Variants in LHPP observed in about 807,000 individuals in gnomAD.
The protein encoded by LHPP is hLHPP.
LHPP carries 24 observed loss-of-function variants against 30.3 expected under a neutral mutation model. That is an observed-to-expected ratio of 0.79 (90% CI 0.57 to 1.11). The LOEUF (loss-of-function observed/expected upper bound fraction) is 1.11. LHPP is among the 50% of genes most tolerant of loss of function. The pLI is 0.00. For synonymous variants in LHPP, 150 were observed against 157.1 expected (o/e 0.95, Z 0.34); for missense variants, 356 against 367.2 (o/e 0.97, Z 0.25).
rs1037227379 is a variant in LHPP, at chr10:124,496,588, T to A, written c.468-373T>A. Among the ~76,000 whole-genome samples the A allele has an allele frequency of 4.6e-5, 7 of 152,212 alleles. No homozygotes were observed. The highest frequency in any genetic ancestry group is 5.9e-5 in the Non-Finnish European group (4 of 68,034). ...TTCGCCACATACCCCGTGGACCTGCTGTTCCTTCCCAGGACACAGGTCACT... is the reference window on the plus strand; with the variant it reads ...TTCGCCACATACCCCGTGGACCTGCAGTTCCTTCCCAGGACACAGGTCACT... On this transcript the variant is annotated intron_variant, in intron 3 of 6. Transcript: ENST00000368842. This position sits in a 1 kb window ranked among gnomAD's most constrained non-coding sequence, Gnocchi z 4.3.
chr10:124,590,698 C>A lies in LHPP; in HGVS notation c.717-22566C>A, dbSNP rs2134001097. 6.6e-6 allele frequency among the ~76,000 whole-genome samples: 1 copy of A among 152,346 alleles called. No homozygotes were observed. The highest frequency in any genetic ancestry group is 6.5e-5 in the Admixed American group (1 of 15,304). Reference sequence around the variant, plus strand: ...TCAGCTGAGCCCTTGCCAGAGGAGACACGGTGGGCACCAGCCCCAGCGCTG... The same window carrying A: ...TCAGCTGAGCCCTTGCCAGAGGAGAAACGGTGGGCACCAGCCCCAGCGCTG... On this transcript the variant is annotated intron_variant, in intron 6 of 6. Transcript: ENST00000368842. This position sits in a 1 kb window ranked among gnomAD's most constrained non-coding sequence, Gnocchi z 4.3.
At chr10:124,566,961 A>T (rs1948501430) in intron 6 of LHPP, among the ~76,000 whole-genome samples, 1 of 152,148 alleles carries the variant, frequency 6.6e-6, no homozygotes, top group Admixed American at 6.5e-5. Flanking sequence ...GCTCCCATCC[A>T]GCTCTCCTCC....
In LHPP at chr10:124,496,666, A is replaced by G. The variant is rs529206480; in HGVS notation, c.468-295A>G. Among the ~76,000 whole-genome samples, 2 of 152,180 alleles carry G rather than the reference A, an allele frequency of 1.3e-5. No individual in the cohort carries two copies. The highest frequency in any genetic ancestry group is 2.9e-5 in the Non-Finnish European group (2 of 68,022). On this transcript the variant is annotated intron_variant, in intron 3 of 6. Coordinates refer to ENST00000368842, the MANE Select transcript of LHPP (RefSeq NM_022126.4). The surrounding 1 kb of genome is among the most constrained non-coding windows in gnomAD (Gnocchi z 4.3). ...CCGTCTGCCTTCTGGGTCCCCTGTT[A>G]ATCATTGCAGCAGGGTCCCCACGAG...
rs989043885 is a variant in LHPP, at chr10:124,496,762, C to T, written c.468-199C>T. Among the ~76,000 whole-genome samples, 7 of 152,260 alleles carry T rather than the reference C, an allele frequency of 4.6e-5. No individual in the cohort carries two copies. Among genetic ancestry groups the T allele is most frequent in the Non-Finnish European group, 7.3e-5 (5 of 68,046 alleles). On this transcript the variant is annotated intron_variant, in intron 3 of 6. Coordinates refer to ENST00000368842, the MANE Select transcript of LHPP (RefSeq NM_022126.4). The surrounding 1 kb of genome is among the most constrained non-coding windows in gnomAD (Gnocchi z 4.3). ...GCTGCTGGCTGCTGCGCTCGCCCCA[C>T]TGGGTGTGGCGGCCTGCCGCCCGGC...
At chr10:124,599,960 G>A (rs947039926) in intron 6 of LHPP, among the ~76,000 whole-genome samples, 5 of 152,360 alleles carry the variant, frequency 3.3e-5, no homozygotes, top group African/African-American at 1.2e-4. Context: ...GATAGGTCCT[G>A]AAGACCACAG....
rs1294955333 is a variant in LHPP at position 124,523,138 on chromosome 10, C to T, written c.716+5867C>T. Among the ~76,000 whole-genome samples, 1 of 152,254 alleles carries T rather than the reference C, an allele frequency of 6.6e-6. No homozygotes were observed. The highest frequency in any genetic ancestry group is 1.5e-5 in the Non-Finnish European group (1 of 68,054). On this transcript the variant is annotated intron_variant, in intron 6 of 6. Transcript: ENST00000368842. This position sits in a 1 kb window ranked among gnomAD's most constrained non-coding sequence, Gnocchi z 4.2. The stretch of plus-strand genomic sequence containing the variant: ...AATAAAGCCGCGATGCGGAGCTCGC[C>T]TCTGGTCTTCTCTTATTGTTTACCC...
rs771912968 is a variant in LHPP, at chr10:124,592,191, G to A, written c.717-21073G>A. Among the ~76,000 whole-genome samples, 7 of 152,136 alleles carry A rather than the reference G, an allele frequency of 4.6e-5. No homozygotes were observed. The highest frequency in any genetic ancestry group is 1.3e-4 in the Admixed American group (2 of 15,276). On this transcript the variant is annotated intron_variant, in intron 6 of 6. Transcript: ENST00000368842. This position sits in a 1 kb window ranked among gnomAD's most constrained non-coding sequence, Gnocchi z 6.2. Reference sequence around the variant, plus strand: ...CCTGTGACTAGGTGAGGGACAGTGCGGGGTGGCCTGCCTGCATATGCCAGG... The same window carrying A: ...CCTGTGACTAGGTGAGGGACAGTGCAGGGTGGCCTGCCTGCATATGCCAGG...
intron 6 of LHPP, among the ~76,000 whole-genome samples, chr10:124,559,222 TC>T (rs1350015649): frequency 6.6e-6 from 1 of 152,174 alleles, no homozygotes; most frequent in African/African-American, 2.4e-5. Context: ...CAGAGGACAC[TC>T]TATGGGGGTG....
chr10:124,532,265 T>G (rs7922543), intron 6 of LHPP, among the ~76,000 whole-genome samples: 98,457 of 152,204 alleles, frequency 0.65, 32,128 homozygotes, highest in South Asian at 0.78. Context: ...GGGCACTGTT[T>G]AGAATCTCAG....
intron 6 of LHPP, among the ~76,000 whole-genome samples, chr10:124,522,732 CA>C (rs369412226): frequency 0.046 from 6,925 of 150,994 alleles, 554 homozygotes; most frequent in African/African-American, 0.16. Context: ...CGCCCCCCCC[CA>C]AGCACTGTCT....
chr10:124,611,142 G>A (rs1162408020), intron 6 of LHPP, among the ~76,000 whole-genome samples: 1 of 151,904 alleles, frequency 6.6e-6, no homozygotes, highest in Non-Finnish European at 1.5e-5. Context: ...TGCTTGGGAC[G>A]GCCAGCCAAG....
chr10:124,609,189 A>T (rs1201013388), intron 6 of LHPP, among the ~76,000 whole-genome samples: 1 of 152,234 alleles, frequency 6.6e-6, no homozygotes, highest in African/African-American at 2.4e-5. Flanking sequence ...ATATAAAGAC[A>T]GGCCGCAGGT....
At chr10:124,577,676 A>ACATGCACACATGTGTAAATACACATGCTG (rs1948682802) in intron 6 of LHPP, among the ~76,000 whole-genome samples, 2 of 144,118 alleles carry the variant, frequency 1.4e-5, no homozygotes, top group Non-Finnish European at 3.1e-5. Context: ...GTGCACACAT[A>ACATGCACACATGTGTAAATACACATGCTG]CATGCACACA....
In LHPP at chr10:124,576,566, A is replaced by C; in HGVS notation, c.717-36698A>C. ...CCCTTTGCTGCCACCCCTATATCTT[A>C]CCCCAGACTCCCCCATATCTCGCCC... is the stretch of plus-strand genomic sequence containing the variant. On this transcript the variant is annotated intron_variant, in intron 6 of 6. Transcript: ENST00000368842. The surrounding 1 kb of genome is among the most constrained non-coding windows in gnomAD (Gnocchi z 4.2). Among the ~76,000 whole-genome samples the C allele has an allele frequency of 7.5e-6, 1 of 134,074 alleles. No individual in the cohort carries two copies. Among genetic ancestry groups the C allele is most frequent in the Non-Finnish European group, 1.6e-5 (1 of 61,492 alleles). The allele number at this position is 134,074 out of a possible 152,430, so 88.0% of individuals were successfully genotyped here.
At chr10:124,606,800 G>A (rs773800156) in intron 6 of LHPP, among the ~76,000 whole-genome samples, 6 of 152,198 alleles carry the variant, frequency 3.9e-5, no homozygotes, top group East Asian at 1.9e-4. Flanking sequence ...AGGGAAGGGC[G>A]GAGGGGCTTA....
chr10:124,484,019 G>A (rs540349659), intron 1 of LHPP, 120 bp from the exon 2 acceptor site: 112 of 872,160 alleles, frequency 1.3e-4, no homozygotes, highest in South Asian at 1.2e-3. Context: ...TCAGGGGCTC[G>A]CAGTGGCCTA....
At chr10:124,557,037 C>T (rs1400002175) in intron 6 of LHPP, among the ~76,000 whole-genome samples, 1 of 152,112 alleles carries the variant, frequency 6.6e-6, no homozygotes, top group African/African-American at 2.4e-5. Flanking sequence ...GGTCGGTGCT[C>T]ATGAGGATCC....
chr10:124,546,528 G>T (rs960557904), intron 6 of LHPP, among the ~76,000 whole-genome samples: 2 of 152,092 alleles, frequency 1.3e-5, no homozygotes, highest in Non-Finnish European at 2.9e-5. Flanking sequence ...TCACCCTCCC[G>T]AGTAGCTGGG....
intron 3 of LHPP, among the ~76,000 whole-genome samples, chr10:124,491,624 C>G (rs957575305): frequency 2.0e-5 from 3 of 152,140 alleles, no homozygotes; most frequent in African/African-American, 7.2e-5. Flanking sequence ...ACTTTTTGCC[C>G]ACACAAGCCT....
Sources: gnomAD v4.1 joint callset for allele counts (sites outside exome capture counted in the v4.1 genomes callset) on GRCh38, gnomAD v4.1.1 for gene constraint, Gnocchi (gnomAD v3.1) non-coding constraint, MANE v1.5 for transcripts, NCBI Gene and HGNC (gene_info 2026-07-23, HGNC 2026-07-21) for gene names.